Variants in SPINT2 observed in about 807,000 individuals in gnomAD.
SPINT2 encodes the protein kunitz-type protease inhibitor 2.
Under a neutral mutation model 30.1 loss-of-function variants are expected in SPINT2, and 18 were observed. The ratio of observed to expected loss-of-function variants is 0.60; its 90% CI spans 0.41 to 0.89. The LOEUF is 0.89. Among genes scored for constraint, SPINT2 ranks in the 40% least tolerant of loss-of-function variants. SPINT2 has a pLI of 0.00. For synonymous variants in SPINT2, 139 were observed against 137.9 expected, an observed-to-expected ratio of 1.01 and a Z score of -0.05; for missense variants, 276 against 334.3, an observed-to-expected ratio of 0.83 and a Z score of 1.36.
At chr19:38,283,550 C>A in intron 1 of SPINT2, 77 bp from the exon 2 acceptor site, 1 of 1,574,980 alleles carries the variant, frequency 6.3e-7, no homozygotes, top group South Asian at 1.1e-5. Context: ...CCTGGGGGAT[C>A]CATGTACAGG....
At chr19:38,281,064 G>A (rs1048920714) in intron 1 of SPINT2, among the ~76,000 whole-genome samples, 1 of 152,108 alleles carries the variant, frequency 6.6e-6, no homozygotes, top group Non-Finnish European at 1.5e-5. Context: ...TCCCACGTGG[G>A]TCCTCTTCAT....
chr19:38,271,586 C>G (rs1386101034), intron 1 of SPINT2, among the ~76,000 whole-genome samples: 1 of 152,050 alleles, frequency 6.6e-6, no homozygotes, highest in African/African-American at 2.4e-5. Context: ...GTAATCCCAG[C>G]ACTTTGGGAG....
intron 1 of SPINT2, among the ~76,000 whole-genome samples, chr19:38,266,879 T>A (rs113729395): frequency 2.4e-4 from 36 of 152,330 alleles, no homozygotes; most frequent in African/African-American, 8.4e-4. Context: ...TCTGCTGGAC[T>A]TTTTCAGTTT....
In SPINT2 at chr19:38,290,314, G is replaced by A. The variant is rs1433540689; in HGVS notation, c.553+34G>A. 12 of 1,607,256 alleles carry A rather than the reference G, an allele frequency of 7.5e-6. No individual in the cohort carries two copies. Among genetic ancestry groups the A allele is most frequent in the Non-Finnish European group, 1.0e-5 (12 of 1,177,850 alleles). On this transcript the variant is annotated intron_variant, in intron 5 of 6. Coordinates refer to ENST00000301244, the MANE Select transcript of SPINT2 (RefSeq NM_021102.4). The surrounding 1 kb of genome is among the most constrained non-coding windows in gnomAD (Gnocchi z 4.3). ...GCAGCCCCTCAGCCCAGGAAGCCCT[G>A]CCCTTGAGGACCCCGGTCCATCTCC...
chr19:38,289,496 A>AAC (rs1968686844), intron 4 of SPINT2: 2 of 235,338 alleles, frequency 8.5e-6, no homozygotes, highest in Non-Finnish European at 1.7e-5. Flanking sequence ...AAAAAAAAAA[A>AAC]AAAAAAAAAA....
At chr19:38,289,366 CCCAGCTA>C in intron 4 of SPINT2, 175 bp downstream of exon 4, 1 of 555,120 alleles carries the variant, frequency 1.8e-6, no homozygotes, top group Non-Finnish European at 3.3e-6. Flanking sequence ...CACCTGTAGT[CCCAGCTA>C]CTCAGGAGAC....
chr19:38,283,562 CTGTGCG>C, intron 1 of SPINT2, 59 bp from the exon 2 acceptor site: 1 of 1,601,706 alleles, frequency 6.2e-7, no homozygotes. Context: ...ATGTACAGGT[CTGTGCG>C]TGTCCTTTGT....
rs781030322 is a variant in SPINT2 at position 38,290,280 on chromosome 19, C to T, written c.553C>T (p.Arg185Cys). ...GGAGGCCTGCATGCTCCGCTGCTTCCGTAAGTCTGCAGCCCCTCAGCCCAG... is the reference window on the plus strand; with the variant it reads ...GGAGGCCTGCATGCTCCGCTGCTTCTGTAAGTCTGCAGCCCCTCAGCCCAG... ...SEEACMLRCF[R>C]QQENPPLPLG... The change falls in exon 5 of 7, where the codon CGC (arginine) becomes TGC (cysteine). Residue 185 changes from arginine to cysteine, a missense_variant and splice_region_variant. Arg to Cys is a radical substitution (Grantham distance 180). Transcript: ENST00000301244. The surrounding 1 kb of genome is among the most constrained non-coding windows in gnomAD (Gnocchi z 4.3). The T allele has an allele frequency of 2.7e-5, 43 of 1,611,416 alleles. No homozygotes were observed. Among genetic ancestry groups the T allele is most frequent in the Non-Finnish European group, 3.1e-5 (36 of 1,179,718 alleles).
At chr19:38,270,350 G>A (rs889238916) in intron 1 of SPINT2, among the ~76,000 whole-genome samples, 2 of 152,166 alleles carry the variant, frequency 1.3e-5, no homozygotes, top group African/African-American at 2.4e-5. Context: ...AGGGTAGTTC[G>A]AAATCTTATT....
intron 1 of SPINT2, chr19:38,265,245 G>A (rs1968364434): frequency 4.8e-6 from 2 of 416,114 alleles, no homozygotes; most frequent in Non-Finnish European, 8.8e-6. Flanking sequence ...AGAGTCAAGG[G>A]GTATTGACCA....
chr19:38,276,652 A>G (rs1022005971), intron 1 of SPINT2, among the ~76,000 whole-genome samples: 4 of 152,078 alleles, frequency 2.6e-5, no homozygotes, highest in Admixed American at 2.0e-4. Context: ...AAAAAAACAA[A>G]CAAACAAAGC....
In SPINT2 at chr19:38,290,124, T is replaced by C; in HGVS notation, c.397T>C (p.Cys133Arg). The C allele has an allele frequency of 6.2e-7, 1 of 1,612,496 alleles. No homozygotes were observed. The stretch of plus-strand genomic sequence containing the variant: ...CTGGGCTGTCTTACTCCTAGAATAC[T>C]GCACCGCCAACGCAGTCACTGGGCC... Reference protein sequence around the residue: ...SSDMFNYEEYCTANAVTGPCR... With the variant: ...SSDMFNYEEYRTANAVTGPCR... The change falls in exon 5 of 7, where the codon TGC (cysteine) becomes CGC (arginine). Residue 133 changes from cysteine (C) to arginine (R), a missense_variant. Physicochemically the swap from Cys to Arg is radical, Grantham distance 180 (BLOSUM62 -3). Transcript: ENST00000301244. This position sits in a 1 kb window ranked among gnomAD's most constrained non-coding sequence, Gnocchi z 4.3.
rs1037464970 is a variant in SPINT2 at position 38,289,353 on chromosome 19, A to G, written c.391+162A>G. The G allele has an allele frequency of 3.0e-5, 18 of 597,798 alleles. No homozygotes were observed. In the African/African-American group the frequency reaches 3.1e-4, roughly 10 times the overall value. 37.0% of individuals were successfully genotyped at this position (597,798 alleles called of 1,614,324 possible). ...CGAAAAATTAGCTGGACGTAGTGGC[A>G]TGCACCTGTAGTCCCAGCTACTCAG... On this transcript the variant is annotated intron_variant, in intron 4 of 6. Coordinates refer to ENST00000301244, the MANE Select transcript of SPINT2 (RefSeq NM_021102.4).
chr19:38,284,031 C>T (rs1968613362), intron 2 of SPINT2, among the ~76,000 whole-genome samples: 1 of 151,870 alleles, frequency 6.6e-6, no homozygotes, highest in Non-Finnish European at 1.5e-5. Flanking sequence ...TTAGTAGAGA[C>T]ATGGTTTCAC....
intron 2 of SPINT2, among the ~76,000 whole-genome samples, chr19:38,285,261 G>T (rs1299097224): frequency 6.6e-6 from 1 of 152,198 alleles, no homozygotes; most frequent in South Asian, 2.1e-4. Flanking sequence ...GAGAGCTGGT[G>T]GTGATGAGAC....
Position 38,283,641 on chromosome 19 carries a change from T to A in SPINT2, c.121T>A (p.Ser41Thr). The part of the protein sequence containing the change: ...ERSIHDFCLV[S>T]KVVGRCRASM... The stretch of plus-strand genomic sequence containing the variant: ...TCGCGTTTCAGACTTCTGCCTGGTG[T>A]CGAAGGTGGTGGGCAGATGCCGGGC... Residue 41 changes from serine to threonine, a missense_variant, in exon 2 of 7, where the codon TCG (serine) becomes ACG (threonine). Coordinates refer to ENST00000301244, the MANE Select transcript of SPINT2 (RefSeq NM_021102.4). 1 of 1,614,012 alleles carries A rather than the reference T, an allele frequency of 6.2e-7. No individual in the cohort carries two copies. Among genetic ancestry groups the A allele is most frequent in the Non-Finnish European group, 8.5e-7 (1 of 1,179,994 alleles).
intron 1 of SPINT2, among the ~76,000 whole-genome samples, chr19:38,280,626 C>G (rs1968569789): frequency 6.6e-6 from 1 of 152,146 alleles, no homozygotes; most frequent in South Asian, 2.1e-4. Flanking sequence ...TGCCATCCAT[C>G]CCTCAATAGG....
In SPINT2 at chr19:38,290,671, A is replaced by C; in HGVS notation, c.592+96A>C. 1 of 1,444,546 alleles carries C rather than the reference A, an allele frequency of 6.9e-7. No individual in the cohort carries two copies. Among genetic ancestry groups the C allele is most frequent in the Non-Finnish European group, 9.5e-7 (1 of 1,050,898 alleles). The allele number at this position is 1,444,546 out of a possible 1,614,324, so 89.5% of individuals were successfully genotyped here. On this transcript the variant is annotated intron_variant, in intron 6 of 6. Coordinates refer to ENST00000301244, the MANE Select transcript of SPINT2 (RefSeq NM_021102.4). This position sits in a 1 kb window ranked among gnomAD's most constrained non-coding sequence, Gnocchi z 4.3. ...CCAGCTGTGGTTTACATTATCCTTC[A>C]CTGTGAACATCATCTTGGCAGAAAG...
At chr19:38,281,438 G>T (rs944895533) in intron 1 of SPINT2, among the ~76,000 whole-genome samples, 2 of 151,948 alleles carry the variant, frequency 1.3e-5, no homozygotes, top group Admixed American at 6.6e-5. Context: ...GGCCGGGCGC[G>T]GTGGCTCATA....
Sources: allele counts gnomAD v4.1 joint callset (sites outside exome capture counted in the v4.1 genomes callset), GRCh38; gene constraint gnomAD v4.1.1; non-coding constraint Gnocchi (gnomAD v3.1); transcripts MANE v1.5; gene names NCBI Gene and HGNC (gene_info 2026-07-23, HGNC 2026-07-21).